Variants in COLQ observed in about 807,000 individuals in gnomAD.
The protein encoded by COLQ is acetylcholinesterase collagenic tail peptide.
Under a neutral mutation model 69.0 loss-of-function variants are expected in COLQ, and 48 were observed. That is an observed-to-expected ratio of 0.70 (90% confidence interval 0.55 to 0.88). The LOEUF (loss-of-function observed/expected upper bound fraction) is 0.88, where lower values mean the gene tolerates loss of function less well. Among genes scored for constraint, COLQ ranks in the 40% least tolerant of loss-of-function variants. The pLI is 0.00. For missense variants in COLQ, 618 were observed against 594.6 expected, an observed-to-expected ratio of 1.04 and a Z score of -0.41; for synonymous variants, 217 against 211.2, an observed-to-expected ratio of 1.03 and a Z score of -0.24.
intron 1 of COLQ, 103 bp from the exon 2 acceptor site, chr3:15,489,740 C>T: frequency 1.1e-6 from 1 of 946,156 alleles, no homozygotes; most frequent in East Asian, 2.6e-5. Context: ...CAGACTTCCA[C>T]ATCTAATTTC....
At chr3:15,454,801 G>A (rs1486707097) in intron 15 of COLQ, among the ~76,000 whole-genome samples, 3 of 151,848 alleles carry the variant, frequency 2.0e-5, no homozygotes, top group Non-Finnish European at 4.4e-5. Flanking sequence ...GACTACAAGT[G>A]CGCACCACCA....
chr3:15,466,965 G>C (rs186613384), intron 11 of COLQ, among the ~76,000 whole-genome samples: 1 of 152,216 alleles, frequency 6.6e-6, no homozygotes, highest in Admixed American at 6.5e-5. Flanking sequence ...CTCACCCTTT[G>C]GCTCTCAGCT....
chr3:15,506,000 A>G (rs1016326518), intron 1 of COLQ, among the ~76,000 whole-genome samples: 1 of 152,098 alleles, frequency 6.6e-6, no homozygotes, highest in Non-Finnish European at 1.5e-5. Flanking sequence ...GGGAGGAGGG[A>G]GGCTGGGTTC....
chr3:15,513,549 G>GT (rs1426971610), intron 1 of COLQ, among the ~76,000 whole-genome samples: 1 of 152,158 alleles, frequency 6.6e-6, no homozygotes, highest in Admixed American at 6.5e-5. Flanking sequence ...TTGAGCCCCA[G>GT]TTGCTCATAG....
At chr3:15,493,473 T>G (rs974515245) in intron 1 of COLQ, among the ~76,000 whole-genome samples, 2 of 152,290 alleles carry the variant, frequency 1.3e-5, no homozygotes, top group African/African-American at 2.4e-5. Context: ...CTTCTTTCTG[T>G]GCATCTGATC....
chr3:15,518,916 A>G (rs1024367012), intron 1 of COLQ, among the ~76,000 whole-genome samples: 2 of 152,156 alleles, frequency 1.3e-5, no homozygotes, highest in Non-Finnish European at 1.5e-5. Context: ...GGTTGCCCTT[A>G]TTTTCTGTGT....
chr3:15,474,174 GGCT>G lies in COLQ; in HGVS notation c.600+51_600+53del, dbSNP rs779913998. 5 of 1,606,328 alleles carry G rather than the reference GGCT, an allele frequency of 3.1e-6. No homozygotes were observed. The African/African-American group carries it at 6.7e-5, about 21-fold the overall frequency. Reference sequence around the variant, plus strand: ...CAGTCCACGGATGGGGGTGGGTGGGGGCTGCTACTTGCACTGACATTTATCATT... The same window carrying G: ...CAGTCCACGGATGGGGGTGGGTGGGGGCTACTTGCACTGACATTTATCATT... On this transcript the variant is annotated intron_variant, in intron 9 of 16. Coordinates refer to ENST00000383788, the MANE Select transcript of COLQ (RefSeq NM_005677.4).
chr3:15,499,299 A>C (rs1354114361), intron 1 of COLQ, among the ~76,000 whole-genome samples: 1 of 152,252 alleles, frequency 6.6e-6, no homozygotes, highest in Non-Finnish European at 1.5e-5. Flanking sequence ...ATGGACACAC[A>C]CAATATTTTA....
intron 3 of COLQ, among the ~76,000 whole-genome samples, chr3:15,479,877 A>C (rs1280746680): frequency 6.6e-6 from 1 of 152,178 alleles, no homozygotes; most frequent in African/African-American, 2.4e-5. Flanking sequence ...CTAGGTGCCA[A>C]ATAATTTTTG....
intron 12 of COLQ, among the ~76,000 whole-genome samples, chr3:15,460,271 A>T (rs969670398): frequency 3.3e-5 from 5 of 152,256 alleles, no homozygotes; most frequent in Non-Finnish European, 5.9e-5. Flanking sequence ...GAATGAATGA[A>T]TGCCGACTAA....
intron 1 of COLQ, among the ~76,000 whole-genome samples, chr3:15,512,021 C>T (rs761023351): frequency 5.9e-5 from 9 of 152,218 alleles, no homozygotes; most frequent in Non-Finnish European, 8.8e-5. Context: ...TCCCTGTCTT[C>T]CCGGGTCCCC....
At chr3:15,463,652 T>C (rs1437166811) in intron 12 of COLQ, among the ~76,000 whole-genome samples, 3 of 152,114 alleles carry the variant, frequency 2.0e-5, no homozygotes, top group Non-Finnish European at 4.4e-5. Context: ...GGCCTACTCC[T>C]CAGTTTTGTG....
At chr3:15,497,463 G>A (rs1371371295) in intron 1 of COLQ, among the ~76,000 whole-genome samples, 2 of 152,094 alleles carry the variant, frequency 1.3e-5, no homozygotes, top group East Asian at 3.9e-4. Context: ...TTCCATTTCT[G>A]CCTTCTGTTT....
chr3:15,459,261 A>G (rs571340114), intron 12 of COLQ, among the ~76,000 whole-genome samples: 4 of 152,270 alleles, frequency 2.6e-5, no homozygotes, highest in African/African-American at 9.6e-5. Context: ...TGAAGAAGTG[A>G]GGACATGTCT....
chr3:15,468,758 G>A (rs866876215), intron 11 of COLQ, among the ~76,000 whole-genome samples: 3 of 152,182 alleles, frequency 2.0e-5, no homozygotes, highest in African/African-American at 7.2e-5. Flanking sequence ...TCAACTCTCT[G>A]GATTCTAATC....
At chr3:15,455,856 T>C in intron 15 of COLQ, 43 bp downstream of exon 15, 3 of 1,613,050 alleles carry the variant, frequency 1.9e-6, no homozygotes, top group Non-Finnish European at 2.5e-6. Flanking sequence ...CCCACCCCCC[T>C]GCTGTTCAGG....
At position 15,451,093 on chromosome 3, in the gene COLQ, G is replaced by A. The variant is rs1231847074; in HGVS notation, c.*551C>T. 1.2e-5 allele frequency: 2 copies of A among 160,602 alleles called. No individual in the cohort carries two copies. Among genetic ancestry groups the A allele is most frequent in the African/African-American group, 2.4e-5 (1 of 41,610 alleles). The allele number at this position is 160,602 out of a possible 1,614,324, so 9.9% of individuals were successfully genotyped here. On this transcript the variant is annotated 3_prime_UTR_variant, in exon 17 of 17. Coordinates refer to ENST00000383788, the MANE Select transcript of COLQ (RefSeq NM_005677.4). ...CTGGGCTGGGCTGTGGCCAGTCGAGGGGTCCTTTGGCAGGTTCAAAGCTGT... is the reference window on the plus strand; with the variant it reads ...CTGGGCTGGGCTGTGGCCAGTCGAGAGGTCCTTTGGCAGGTTCAAAGCTGT...
At chr3:15,515,514 T>C (rs578240048) in intron 1 of COLQ, among the ~76,000 whole-genome samples, 1 of 152,250 alleles carries the variant, frequency 6.6e-6, no homozygotes, top group South Asian at 2.1e-4. Flanking sequence ...TGAATTGCAT[T>C]TAAAGAAGAT....
intron 1 of COLQ, chr3:15,506,587 T>C (rs548509802): frequency 1.4e-4 from 21 of 152,334 alleles, no homozygotes; most frequent in African/African-American, 4.8e-4. Flanking sequence ...ATACATATGA[T>C]ACTCCCTCTT....
Sources: allele counts gnomAD v4.1 joint callset (sites outside exome capture counted in the v4.1 genomes callset), GRCh38; gene constraint gnomAD v4.1.1; transcripts MANE v1.5; gene names NCBI Gene and HGNC (gene_info 2026-07-23, HGNC 2026-07-21).